Variants in MAD1L1 observed in about 807,000 individuals in gnomAD.
The protein encoded by MAD1L1 is mitotic spindle assembly checkpoint protein MAD1.
A neutral mutation model predicts 96.9 loss-of-function variants in MAD1L1; 95 were observed. That is an observed-to-expected ratio of 0.98 (90% CI 0.83 to 1.16). MAD1L1 has a LOEUF of 1.16. Ranked by LOEUF, MAD1L1 falls within the 50% of genes most tolerant of loss-of-function variation. The pLI, the probability that MAD1L1 is intolerant of heterozygous loss-of-function variation, is 0.00. For synonymous variants in MAD1L1, 473 were observed against 396.6 expected (o/e 1.19, Z -2.29); for missense variants, 1,007 against 954.4 (o/e 1.06, Z -0.73).
chr7:1,914,130 C>T (rs13224989), intron 17 of MAD1L1, among the ~76,000 whole-genome samples: 1 of 152,072 alleles, frequency 6.6e-6, no homozygotes, highest in Non-Finnish European at 1.5e-5. Context: ...CTGCCACACG[C>T]CCTCACTGGC....
At chr7:2,161,506 C>A (rs536663417) in intron 10 of MAD1L1, among the ~76,000 whole-genome samples, 129 of 152,266 alleles carry the variant, frequency 8.5e-4, no homozygotes, top group African/African-American at 2.8e-3. Flanking sequence ...GCCGAGATTG[C>A]AGCCTCTGCC....
Position 1,915,371 on chromosome 7 carries a change from G to A in MAD1L1, c.1808-16981C>T, listed in dbSNP as rs1206666517. Among the ~76,000 whole-genome samples the A allele has an allele frequency of 2.6e-5, 4 of 152,214 alleles. No individual in the cohort carries two copies. The East Asian group carries it at 5.8e-4, about 22-fold the overall frequency. Reference sequence around the variant, plus strand: ...AGGCGTCCTGGCAGCACCTGGCTGGGAAGGAGACCTGGGGCAGACTTAGGG... The same window carrying A: ...AGGCGTCCTGGCAGCACCTGGCTGGAAAGGAGACCTGGGGCAGACTTAGGG... On this transcript the variant is annotated intron_variant, in intron 17 of 18. Coordinates refer to ENST00000265854, the MANE Select transcript of MAD1L1 (RefSeq NM_001013836.2).
chr7:1,996,022 G>A (rs1189300781), intron 14 of MAD1L1, among the ~76,000 whole-genome samples: 2 of 152,228 alleles, frequency 1.3e-5, no homozygotes, highest in Admixed American at 1.3e-4. Flanking sequence ...CAGCCATGAG[G>A]ACCAGCACTG....
At position 2,088,052 on chromosome 7, in the gene MAD1L1, TAGAG is replaced by T. The variant is rs1786015822; in HGVS notation, c.1074-18718_1074-18715del. 6.6e-6 allele frequency among the ~76,000 whole-genome samples: 1 copy of T among 152,044 alleles called. No individual in the cohort carries two copies. The highest frequency in any genetic ancestry group is 2.1e-4 in the South Asian group (1 of 4,818). On this transcript the variant is annotated intron_variant, in intron 11 of 18. Transcript: ENST00000265854. This position sits in a 1 kb window ranked among gnomAD's most constrained non-coding sequence, Gnocchi z 4.4. ...TCGAGGCTTGAGGCTCTAGGAGAGT[TAGAG>T]AAGAAGAAGACTGGGACTCGGACCA...
intron 13 of MAD1L1, among the ~76,000 whole-genome samples, chr7:2,003,382 G>C (rs888672661): frequency 3.3e-5 from 5 of 152,128 alleles, no homozygotes; most frequent in Non-Finnish European, 7.4e-5. Context: ...AGCCCCTGGG[G>C]ACACAGCCTG....
At chr7:2,093,300 T>C (rs963407965) in intron 11 of MAD1L1, among the ~76,000 whole-genome samples, 1 of 149,772 alleles carries the variant, frequency 6.7e-6, no homozygotes, top group African/African-American at 2.5e-5. Context: ...CAAAAAGTTA[T>C]GTTTTAAAAG....
rs538777956 is a variant in MAD1L1 at position 2,228,209 on chromosome 7, G to A, written c.150+1775C>T. 2.6e-5 allele frequency among the ~76,000 whole-genome samples: 4 copies of A among 151,862 alleles called. No homozygotes were observed. In the East Asian group the frequency reaches 7.8e-4, roughly 30 times the overall value. On this transcript the variant is annotated intron_variant, in intron 3 of 18. Transcript: ENST00000265854. Reference sequence around the variant, plus strand: ...CCTCCGAGCCCCAAGACAGACTCTAGAATCCCACAGCTTTGACAGACAGGC... The same window carrying A: ...CCTCCGAGCCCCAAGACAGACTCTAAAATCCCACAGCTTTGACAGACAGGC...
intron 11 of MAD1L1, among the ~76,000 whole-genome samples, chr7:2,090,375 G>T (rs1368671559): frequency 1.3e-5 from 2 of 152,222 alleles, no homozygotes; most frequent in African/African-American, 4.8e-5. Context: ...TACCTCAGGG[G>T]TTTTTAAAGT....
chr7:2,141,480 C>T (rs1262519946), intron 11 of MAD1L1, among the ~76,000 whole-genome samples: 1 of 152,176 alleles, frequency 6.6e-6, no homozygotes, highest in Non-Finnish European at 1.5e-5. Context: ...CCGGCATTGG[C>T]AGGATGGGCA....
At position 2,103,182 on chromosome 7, in the gene MAD1L1, C is replaced by G. The variant is rs1786905098; in HGVS notation, c.1074-33844G>C. Among the ~76,000 whole-genome samples the G allele has an allele frequency of 1.3e-5, 2 of 152,194 alleles. No individual in the cohort carries two copies. The highest frequency in any genetic ancestry group is 2.9e-5 in the Non-Finnish European group (2 of 68,040). ...CCTGCCCCTGCACCCTACAAAGGGG[C>G]AGCTCCGACCACGCTTCAGCTCTCA... On this transcript the variant is annotated intron_variant, in intron 11 of 18. Coordinates refer to ENST00000265854, the MANE Select transcript of MAD1L1 (RefSeq NM_001013836.2). The surrounding 1 kb of genome is among the most constrained non-coding windows in gnomAD (Gnocchi z 4.3).
chr7:2,027,140 C>G (rs1226123520), intron 12 of MAD1L1, among the ~76,000 whole-genome samples: 1 of 151,986 alleles, frequency 6.6e-6, no homozygotes, highest in African/African-American at 2.4e-5. Flanking sequence ...TAAAAACTAA[C>G]TTTTACCACA....
intron 12 of MAD1L1, among the ~76,000 whole-genome samples, chr7:2,036,916 C>T (rs528953533): frequency 1.3e-5 from 2 of 152,102 alleles, no homozygotes; most frequent in African/African-American, 2.4e-5. Flanking sequence ...CCAACGCGCA[C>T]GAGGCACGCT....
intron 13 of MAD1L1, among the ~76,000 whole-genome samples, chr7:2,003,903 G>A (rs1194926565): frequency 1.3e-5 from 2 of 152,158 alleles, no homozygotes; most frequent in African/African-American, 2.4e-5. Flanking sequence ...TGGATAATCC[G>A]GCCACTGCTG....
At chr7:1,875,612 G>A (rs1186170013) in intron 18 of MAD1L1, among the ~76,000 whole-genome samples, 1 of 152,226 alleles carries the variant, frequency 6.6e-6, no homozygotes, top group Non-Finnish European at 1.5e-5. Flanking sequence ...AGGCGGCAAG[G>A]TTCCCAGCAA....
intron 17 of MAD1L1, among the ~76,000 whole-genome samples, chr7:1,901,989 T>C (rs1338992778): frequency 6.6e-6 from 1 of 152,136 alleles, no homozygotes; most frequent in Non-Finnish European, 1.5e-5. Context: ...CTGGTACTGA[T>C]GGGCTCTCAA....
chr7:1,945,973 C>CA (rs1779211550), intron 16 of MAD1L1, among the ~76,000 whole-genome samples: 1 of 152,186 alleles, frequency 6.6e-6, no homozygotes, highest in African/African-American at 2.4e-5. Context: ...ACCAAGCCTC[C>CA]AGCCCAGAGG....
intron 10 of MAD1L1, among the ~76,000 whole-genome samples, chr7:2,183,995 A>T (rs914184527): frequency 1.1e-4 from 16 of 152,290 alleles, no homozygotes; most frequent in Non-Finnish European, 1.9e-4. Flanking sequence ...TCACGCCTGT[A>T]ATCCTGGCAC....
intron 12 of MAD1L1, among the ~76,000 whole-genome samples, chr7:2,061,354 T>TAAAA (rs1554350066): frequency 6.6e-6 from 1 of 151,258 alleles, no homozygotes; most frequent in African/African-American, 2.4e-5. Context: ...AATAATAAAA[T>TAAAA]TAAAATAAAA....
At position 2,002,053 on chromosome 7, in the gene MAD1L1, C is replaced by T. The variant is rs1026945330; in HGVS notation, c.1416+12G>A. 2.2e-5 allele frequency: 35 copies of T among 1,612,952 alleles called. No individual in the cohort carries two copies. The highest frequency in any genetic ancestry group is 2.7e-5 in the Non-Finnish European group (32 of 1,179,970). ...GTGCCCTGAATCCCAGCCACTCCCG[C>T]GTCTGACTCACCATGTCTGCTCTTT... On this transcript the variant is annotated intron_variant, in intron 14 of 18. Coordinates refer to ENST00000265854, the MANE Select transcript of MAD1L1 (RefSeq NM_001013836.2).
Sources: allele counts gnomAD v4.1 joint callset (sites outside exome capture counted in the v4.1 genomes callset), GRCh38; gene constraint gnomAD v4.1.1; non-coding constraint Gnocchi (gnomAD v3.1); transcripts MANE v1.5; gene names NCBI Gene and HGNC (gene_info 2026-07-23, HGNC 2026-07-21).